The following FAM135B variants were observed in gnomAD, a reference collection of about 807,000 sequenced individuals.
The protein encoded by FAM135B is protein FAM135B.
Under a neutral mutation model 127.7 loss-of-function variants are expected in FAM135B, and 43 were observed. The observed-to-expected ratio is 0.34, with a 90% confidence interval of 0.26 to 0.43. The LOEUF (loss-of-function observed/expected upper bound fraction) is 0.43, where lower values mean the gene tolerates loss of function less well. FAM135B is among the 20% of genes least tolerant of loss of function. The pLI is 1.00. For missense variants in FAM135B, 1,558 were observed against 1,725.6 expected (o/e 0.90, Z 1.72); for synonymous variants, 670 against 665.1 (o/e 1.01, Z -0.11).
At chr8:138,219,138 C>A (rs746157368) in intron 7 of FAM135B, among the ~76,000 whole-genome samples, 6 of 152,106 alleles carry the variant, frequency 3.9e-5, no homozygotes, top group Non-Finnish European at 8.8e-5. Flanking sequence ...CACTACTGTT[C>A]ATAGATGGAT....
Position 138,379,378 on chromosome 8 carries a change from TA to T in FAM135B, c.-19-11377del, listed in dbSNP as rs533525217. 2.8e-4 allele frequency among the ~76,000 whole-genome samples: 42 copies of T among 152,170 alleles called. No individual in the cohort carries two copies. The East Asian group carries it at 4.8e-3, about 17-fold the overall frequency. ...TTTTGGGAAGATCAACATAAATGTA[TA>T]TTTTTTTTTAGTAACATTATGGCTT... On this transcript the variant is annotated intron_variant, in intron 1 of 19. Coordinates refer to ENST00000395297, the MANE Select transcript of FAM135B (RefSeq NM_015912.4).
chr8:138,325,076 T>C (rs767973480), intron 2 of FAM135B, among the ~76,000 whole-genome samples: 10 of 152,052 alleles, frequency 6.6e-5, no homozygotes, highest in African/African-American at 9.7e-5. Flanking sequence ...AGACACTGTG[T>C]CTCCTCTGAG....
At chr8:138,448,310 C>T (rs1836309220) in intron 1 of FAM135B, among the ~76,000 whole-genome samples, 2 of 151,938 alleles carry the variant, frequency 1.3e-5, no homozygotes, top group Admixed American at 6.6e-5. Flanking sequence ...AGCAGATTGC[C>T]CTCCCTAATG....
Position 138,202,399 on chromosome 8 carries a change from A to G in FAM135B, c.670-4730T>C, listed in dbSNP as rs1817210450. Reference sequence around the variant, plus strand: ...TGAGTAGCTGGGACTACAGGCATGCACCATCACACTTGGCTAATGTTTTAA... The same window carrying G: ...TGAGTAGCTGGGACTACAGGCATGCGCCATCACACTTGGCTAATGTTTTAA... On this transcript the variant is annotated intron_variant, in intron 7 of 19. Transcript: ENST00000395297. 5.3e-5 allele frequency among the ~76,000 whole-genome samples: 8 copies of G among 152,166 alleles called. No individual in the cohort carries two copies. The South Asian group carries it at 1.7e-3, about 32-fold the overall frequency.
At chr8:138,193,549 T>C (rs1413595479) in intron 9 of FAM135B, among the ~76,000 whole-genome samples, 1 of 152,202 alleles carries the variant, frequency 6.6e-6, no homozygotes, top group Non-Finnish European at 1.5e-5. Context: ...CCTGTGTTCC[T>C]TGTTGTTGTT....
intron 1 of FAM135B, among the ~76,000 whole-genome samples, chr8:138,419,296 C>G (rs562467403): frequency 6.6e-6 from 1 of 152,214 alleles, no homozygotes; most frequent in East Asian, 1.9e-4. Context: ...TTCAACTCAA[C>G]AAGAAGACTT....
chr8:138,229,091 G>A (rs1563795834), intron 7 of FAM135B, among the ~76,000 whole-genome samples: 2 of 152,010 alleles, frequency 1.3e-5, no homozygotes, highest in Non-Finnish European at 2.9e-5. Context: ...CATGGAAATC[G>A]GCAATGCTGT....
chr8:138,146,471 T>C (rs1190049548), intron 14 of FAM135B, among the ~76,000 whole-genome samples: 1 of 152,146 alleles, frequency 6.6e-6, no homozygotes, highest in Non-Finnish European at 1.5e-5. Context: ...GACTATCTAG[T>C]GCTGCCTTTT....
intron 7 of FAM135B, among the ~76,000 whole-genome samples, chr8:138,200,286 C>T (rs551175904): frequency 2.6e-5 from 4 of 152,244 alleles, no homozygotes; most frequent in African/African-American, 9.6e-5. Flanking sequence ...ACTGCCCTGT[C>T]TGTGCTCACC....
At chr8:138,203,861 G>T (rs1023231967) in intron 7 of FAM135B, among the ~76,000 whole-genome samples, 16 of 152,162 alleles carry the variant, frequency 1.1e-4, no homozygotes, top group Admixed American at 2.6e-4. Context: ...GGTCCCATCT[G>T]GGGGTGATGG....
chr8:138,331,988 C>T (rs1209488307), intron 2 of FAM135B, among the ~76,000 whole-genome samples: 1 of 152,134 alleles, frequency 6.6e-6, no homozygotes, highest in Non-Finnish European at 1.5e-5. Context: ...CTCCAGGACT[C>T]TCTGAGTAAA....
chr8:138,191,764 A>G (rs1816149996), intron 9 of FAM135B, among the ~76,000 whole-genome samples: 1 of 152,228 alleles, frequency 6.6e-6, no homozygotes, highest in Non-Finnish European at 1.5e-5. Flanking sequence ...ACATTTAACC[A>G]TATTCCCTGC....
intron 3 of FAM135B, among the ~76,000 whole-genome samples, chr8:138,302,255 C>T (rs1825943682): frequency 6.6e-6 from 1 of 152,110 alleles, no homozygotes; most frequent in African/African-American, 2.4e-5. Context: ...ATTCTAGAAT[C>T]TGTGTAAGTG....
At chr8:138,283,975 G>T (rs1406857948) in intron 3 of FAM135B, among the ~76,000 whole-genome samples, 1 of 151,982 alleles carries the variant, frequency 6.6e-6, no homozygotes, top group African/African-American at 2.4e-5. Flanking sequence ...GGAGAACAGT[G>T]AGCTGGACAA....
rs114326798 is a variant in FAM135B, at chr8:138,308,838, C to T, written c.157+2003G>A. Reference sequence around the variant, plus strand: ...CACAAGGAAGAAGCAGAGTCCTTGACGGGAGCCTGGGCATGGCTTTCATCA... The same window carrying T: ...CACAAGGAAGAAGCAGAGTCCTTGATGGGAGCCTGGGCATGGCTTTCATCA... On this transcript the variant is annotated intron_variant, in intron 3 of 19. Coordinates refer to ENST00000395297, the MANE Select transcript of FAM135B (RefSeq NM_015912.4). 1,593 of 263,444 alleles carry T rather than the reference C, an allele frequency of 6.0e-3. 28 individuals carry two copies. The highest frequency in any genetic ancestry group is 0.034 in the African/African-American group (1,498 of 44,366). The allele number at this position is 263,444 out of a possible 1,614,324, so 16.3% of individuals were successfully genotyped here. A position where few individuals can be genotyped will look rare whatever the true frequency, so the allele number is the denominator to read the frequency against.
intron 1 of FAM135B, among the ~76,000 whole-genome samples, chr8:138,452,772 G>A (rs898315050): frequency 2.0e-5 from 3 of 152,108 alleles, no homozygotes; most frequent in African/African-American, 7.2e-5. Flanking sequence ...CTCGACTGGG[G>A]CTGGAGAATC....
intron 1 of FAM135B, among the ~76,000 whole-genome samples, chr8:138,444,726 A>C (rs1836010193): frequency 6.6e-6 from 1 of 152,202 alleles, no homozygotes; most frequent in African/African-American, 2.4e-5. Context: ...ACACCCTAAC[A>C]TCACAATTAA....
chr8:138,346,799 C>T (rs1426442350), intron 2 of FAM135B, among the ~76,000 whole-genome samples: 2 of 151,516 alleles, frequency 1.3e-5, no homozygotes, highest in Non-Finnish European at 2.9e-5. Context: ...AGCTTCACAC[C>T]CTGCACATGT....
intron 1 of FAM135B, among the ~76,000 whole-genome samples, chr8:138,479,913 A>C (rs1814706586): frequency 6.6e-6 from 1 of 152,170 alleles, no homozygotes; most frequent in South Asian, 2.1e-4. Context: ...TTTTCCCACA[A>C]AACTACCTCC....
Sources: allele counts gnomAD v4.1 joint callset (sites outside exome capture counted in the v4.1 genomes callset), GRCh38; gene constraint gnomAD v4.1.1; transcripts MANE v1.5; gene names NCBI Gene and HGNC (gene_info 2026-07-23, HGNC 2026-07-21).